Variants in CPLX1 observed in about 807,000 individuals in gnomAD.
The protein encoded by CPLX1 is complexin-1.
Under a neutral mutation model 15.6 loss-of-function variants are expected in CPLX1, and 6 were observed. The observed-to-expected ratio is 0.39, with a 90% CI of 0.21 to 0.76. The LOEUF is 0.76. Among genes scored for constraint, CPLX1 ranks in the 30% least tolerant of loss-of-function variants. CPLX1 has a pLI of 0.43. For synonymous variants in CPLX1, 91 were observed against 75.2 expected (o/e 1.21, Z -1.08); for missense variants, 242 against 188.6 (o/e 1.28, Z -1.66).
At chr4:823,491 A>G (rs1174827206) in intron 2 of CPLX1, among the ~76,000 whole-genome samples, 1 of 152,174 alleles carries the variant, frequency 6.6e-6, no homozygotes, top group African/African-American at 2.4e-5. Context: ...ACTCACTCCA[A>G]GGTGTGAATG....
At chr4:825,901 G>C (rs1395589658) in intron 1 of CPLX1, 145 bp downstream of exon 1, 2 of 127,032 alleles carry the variant, frequency 1.6e-5, no homozygotes, top group African/African-American at 2.9e-5. Context: ...AGCCGGGGCC[G>C]CGGGGAGAAG....
At chr4:811,926 T>A (rs1372639065) in intron 2 of CPLX1, among the ~76,000 whole-genome samples, 1 of 152,250 alleles carries the variant, frequency 6.6e-6, no homozygotes, top group East Asian at 1.9e-4. Context: ...CTTGATTAGC[T>A]GACCTCTTAA....
chr4:787,877 G>A (rs1042440959), intron 3 of CPLX1: 2 of 985,448 alleles, frequency 2.0e-6, no homozygotes, highest in Admixed American at 6.1e-5. Context: ...GTGGGAACCA[G>A]TGGGGTTGGG....
chr4:804,327 G>A (rs1314025398), intron 2 of CPLX1, among the ~76,000 whole-genome samples: 1 of 152,212 alleles, frequency 6.6e-6, no homozygotes, highest in Non-Finnish European at 1.5e-5. Context: ...GGATGTGGCA[G>A]CATGGCTAAA....
At chr4:824,082 C>T (rs1034757425) in intron 2 of CPLX1, among the ~76,000 whole-genome samples, 2 of 152,256 alleles carry the variant, frequency 1.3e-5, no homozygotes, top group East Asian at 1.9e-4. Flanking sequence ...CCTGCTCTCC[C>T]ACCGCTTGGC....
intron 2 of CPLX1, among the ~76,000 whole-genome samples, chr4:793,362 G>A (rs1746241733): frequency 6.6e-6 from 1 of 152,096 alleles, no homozygotes; most frequent in African/African-American, 2.4e-5. Context: ...GCTTGTTACT[G>A]GCACCCAGGC....
At chr4:793,534 G>A (rs115071561) in intron 2 of CPLX1, among the ~76,000 whole-genome samples, 5,237 of 152,258 alleles carry the variant, frequency 0.034, 119 homozygotes, top group Non-Finnish European at 0.05. Context: ...CCTGGCCCTC[G>A]GCAGCTCCAG....
At chr4:821,438 G>A (rs1335832581) in intron 2 of CPLX1, among the ~76,000 whole-genome samples, 9 of 152,092 alleles carry the variant, frequency 5.9e-5, no homozygotes, top group African/African-American at 1.2e-4. Context: ...ACACATTCCC[G>A]AGGACCTGAG....
chr4:825,672 G>T (rs1261226981), intron 1 of CPLX1, among the ~76,000 whole-genome samples: 1 of 151,370 alleles, frequency 6.6e-6, no homozygotes. Context: ...GGCCGGGCGC[G>T]GGCCGGGACC....
At chr4:804,705 T>C (rs924138754) in intron 2 of CPLX1, 2 of 981,520 alleles carry the variant, frequency 2.0e-6, no homozygotes, top group Non-Finnish European at 2.4e-6. Flanking sequence ...TATGGCAGAA[T>C]TGATGTCAGA....
intron 2 of CPLX1, among the ~76,000 whole-genome samples, chr4:801,377 T>C (rs1746457059): frequency 6.6e-6 from 1 of 151,836 alleles, no homozygotes; most frequent in Non-Finnish European, 1.5e-5. Context: ...TACAACTCAA[T>C]AACAGGAACA....
rs1490394329 is a variant in CPLX1 at position 811,405 on chromosome 4, CAA to C, written c.31+13085_31+13086del. ...AGGCAATCCTTCCTCCTTAGCCTCG[CAA>C]AGTGTTGGGATTACAGACATGAGCC... is the stretch of plus-strand genomic sequence containing the variant. On this transcript the variant is annotated intron_variant, in intron 2 of 3. Coordinates refer to ENST00000304062, the MANE Select transcript of CPLX1 (RefSeq NM_006651.4). Among the ~76,000 whole-genome samples, 10 of 152,276 alleles carry C rather than the reference CAA, an allele frequency of 6.6e-5. No individual in the cohort carries two copies. The East Asian group carries it at 1.9e-3, about 29-fold the overall frequency.
At chr4:795,804 G>GT (rs936127617) in intron 2 of CPLX1, among the ~76,000 whole-genome samples, 8 of 146,462 alleles carry the variant, frequency 5.5e-5, no homozygotes, top group African/African-American at 1.6e-4. Flanking sequence ...TGGAGAGGGG[G>GT]TGGGGGGGGG....
chr4:795,404 G>A (rs545288522), intron 2 of CPLX1, among the ~76,000 whole-genome samples: 3 of 152,312 alleles, frequency 2.0e-5, no homozygotes, highest in African/African-American at 7.2e-5. Flanking sequence ...TCCCGCATCC[G>A]CAGGAGGGCG....
intron 2 of CPLX1, chr4:804,833 G>A (rs1024309972): frequency 1.6e-5 from 16 of 984,604 alleles, no homozygotes; most frequent in Non-Finnish European, 1.9e-5. Flanking sequence ...CGGCAAGCGT[G>A]GGGAGCGACG....
At chr4:787,537 GAGAC>G (rs1172688374) in intron 3 of CPLX1, 29 of 642,748 alleles carry the variant, frequency 4.5e-5, no homozygotes, top group Non-Finnish European at 5.4e-5. Flanking sequence ...GTCCTTGTAA[GAGAC>G]AGAAAGGACA....
intron 1 of CPLX1, among the ~76,000 whole-genome samples, chr4:825,108 C>A (rs1441619987): frequency 1.3e-5 from 2 of 152,156 alleles, no homozygotes; most frequent in Non-Finnish European, 2.9e-5. Flanking sequence ...GTGTGCCCCC[C>A]ACATGGCCCG....
chr4:817,104 C>G (rs1383254560), intron 2 of CPLX1, among the ~76,000 whole-genome samples: 3 of 151,948 alleles, frequency 2.0e-5, no homozygotes, highest in Admixed American at 2.0e-4. Flanking sequence ...ATATGTTGGT[C>G]AAAACAGTGC....
chr4:810,129 A>C (rs1288797637), intron 2 of CPLX1, among the ~76,000 whole-genome samples: 1 of 147,158 alleles, frequency 6.8e-6, no homozygotes, highest in African/African-American at 2.5e-5. Context: ...AGCTCACTGC[A>C]AGCTCCGCCT....
Sources: gnomAD v4.1 joint callset for allele counts (sites outside exome capture counted in the v4.1 genomes callset) on GRCh38, gnomAD v4.1.1 for gene constraint, MANE v1.5 for transcripts, NCBI Gene and HGNC (gene_info 2026-07-23, HGNC 2026-07-21) for gene names.